Variants in TAFA1 observed in about 807,000 individuals in gnomAD.
TAFA1 encodes the protein TAFA chemokine like family member 1.
TAFA1 carries 4 observed loss-of-function variants against 18.5 expected under a neutral mutation model. The observed-to-expected ratio is 0.22, with a 90% CI of 0.11 to 0.49. TAFA1 has a LOEUF of 0.49. Ranked by LOEUF, TAFA1 falls within the 20% of genes least tolerant of loss-of-function variation. TAFA1 has a pLI of 0.98. For missense variants in TAFA1, 147 were observed against 169.0 expected, an observed-to-expected ratio of 0.87 and a Z score of 0.72; for synonymous variants, 56 against 55.2, an observed-to-expected ratio of 1.01 and a Z score of -0.06.
At chr3:68,114,898 C>T (rs940743811) in intron 2 of TAFA1, among the ~76,000 whole-genome samples, 5 of 152,138 alleles carry the variant, frequency 3.3e-5, no homozygotes, top group Non-Finnish European at 7.3e-5. Flanking sequence ...TTTTCACTCA[C>T]ATGGTGAATA....
rs573598919 is a variant in TAFA1, at chr3:68,202,713, A to C, written c.118+195969A>C. ...CTAATTTCTTCCTCCCATCCTTTCT[A>C]TCATTTCTCTAGTGAAATTTACTTA... On this transcript the variant is annotated intron_variant, in intron 2 of 4. Coordinates refer to ENST00000478136, the MANE Select transcript of TAFA1 (RefSeq NM_213609.4). Among the ~76,000 whole-genome samples, 18 of 151,774 alleles carry C rather than the reference A, an allele frequency of 1.2e-4. No homozygotes were observed. In the East Asian group the frequency reaches 3.5e-3, roughly 30 times the overall value.
At chr3:68,498,721 G>GTTTTTTTTTTTTTTTTTTTT (rs1559694779) in intron 3 of TAFA1, among the ~76,000 whole-genome samples, 3 of 101,722 alleles carry the variant, frequency 2.9e-5, no homozygotes, top group Non-Finnish European at 5.4e-5. Flanking sequence ...CCGTTTGGTG[G>GTTTTTTTTTTTTTTTTTTTT]CTTTTTTTTT....
intron 2 of TAFA1, among the ~76,000 whole-genome samples, chr3:68,085,684 C>T (rs143107286): frequency 1.1e-3 from 168 of 152,290 alleles, no homozygotes; most frequent in Non-Finnish European, 2.0e-3. Context: ...AAGAGTATAT[C>T]TGCGTATTCC....
chr3:68,431,912 G>T (rs2071181968), intron 3 of TAFA1, among the ~76,000 whole-genome samples: 1 of 151,902 alleles, frequency 6.6e-6, no homozygotes, highest in Admixed American at 6.6e-5. Context: ...CACGTGAAAG[G>T]GTCATAATAG....
rs2107265597 is a variant in TAFA1 at position 68,285,733 on chromosome 3, T to A, written c.119-131547T>A. On this transcript the variant is annotated intron_variant, in intron 2 of 4. Transcript: ENST00000478136. Reference sequence around the variant, plus strand: ...TTTCGTTTGGGTCCTGACTTTTTTTTAAATGTGAAAAGATTTTTGAGTGTG... The same window carrying A: ...TTTCGTTTGGGTCCTGACTTTTTTTAAAATGTGAAAAGATTTTTGAGTGTG... Among the ~76,000 whole-genome samples the A allele has an allele frequency of 2.0e-5, 3 of 152,282 alleles. No individual in the cohort carries two copies. The Middle Eastern group carries it at 0.01, about 518-fold the overall frequency.
At chr3:68,398,957 C>G (rs1316656452) in intron 2 of TAFA1, among the ~76,000 whole-genome samples, 1 of 152,110 alleles carries the variant, frequency 6.6e-6, no homozygotes, top group Non-Finnish European at 1.5e-5. Context: ...CTCATTTAGT[C>G]TAACTGACTT....
intron 2 of TAFA1, among the ~76,000 whole-genome samples, chr3:68,158,382 G>A (rs1410584739): frequency 6.6e-6 from 1 of 151,962 alleles, no homozygotes; most frequent in Non-Finnish European, 1.5e-5. Context: ...TTGCAGGTAG[G>A]GGCTGGTTTC....
intron 2 of TAFA1, among the ~76,000 whole-genome samples, chr3:68,268,935 G>A (rs1371254045): frequency 6.6e-6 from 1 of 152,140 alleles, no homozygotes; most frequent in Non-Finnish European, 1.5e-5. Context: ...ATTCTGGCAT[G>A]TAAGAATTTC....
At chr3:68,293,856 G>T (rs539228048) in intron 2 of TAFA1, among the ~76,000 whole-genome samples, 1 of 152,264 alleles carries the variant, frequency 6.6e-6, no homozygotes, top group African/African-American at 2.4e-5. Context: ...CTGAGGGACT[G>T]CTCCGTCTAT....
intron 2 of TAFA1, among the ~76,000 whole-genome samples, chr3:68,166,885 TAC>T (rs2065988012): frequency 6.6e-6 from 1 of 152,124 alleles, no homozygotes; most frequent in Admixed American, 6.5e-5. Context: ...CGTGAAGCCT[TAC>T]CCAGTAGACA....
chr3:68,373,060 C>G (rs1167272057), intron 2 of TAFA1, among the ~76,000 whole-genome samples: 2 of 152,170 alleles, frequency 1.3e-5, no homozygotes, highest in Non-Finnish European at 2.9e-5. Flanking sequence ...TTGTAAGCAT[C>G]AGGAAGACAT....
At chr3:68,499,655 T>TC (rs1434860344) in intron 3 of TAFA1, among the ~76,000 whole-genome samples, 2 of 151,960 alleles carry the variant, frequency 1.3e-5, no homozygotes, top group Non-Finnish European at 2.9e-5. Flanking sequence ...ATTTTAAAGT[T>TC]CTAGTAGAAC....
At chr3:68,479,471 T>A (rs919773780) in intron 3 of TAFA1, among the ~76,000 whole-genome samples, 48 of 152,064 alleles carry the variant, frequency 3.2e-4, no homozygotes, top group Non-Finnish European at 5.1e-4. Flanking sequence ...ATGTCTCTCT[T>A]ATTTTATGAA....
rs181494366 is a variant in TAFA1 at position 68,472,461 on chromosome 3, C to T, written c.259+55041C>T. Among the ~76,000 whole-genome samples, 13 of 151,996 alleles carry T rather than the reference C, an allele frequency of 8.6e-5. No individual in the cohort carries two copies. In the East Asian group the frequency reaches 2.5e-3, roughly 30 times the overall value. On this transcript the variant is annotated intron_variant, in intron 3 of 4. Coordinates refer to ENST00000478136, the MANE Select transcript of TAFA1 (RefSeq NM_213609.4). ...AGAATGGACTAATACAGGTGGTATA[C>T]ACACAAGCCTTCTACATGTGACAAA...
chr3:68,065,430 A>T (rs1034042354), intron 2 of TAFA1, among the ~76,000 whole-genome samples: 1 of 152,174 alleles, frequency 6.6e-6, no homozygotes, highest in Non-Finnish European at 1.5e-5. Flanking sequence ...TTGCAAGCAC[A>T]TTACAAGGGC....
At position 68,354,307 on chromosome 3, in the gene TAFA1, T is replaced by C. The variant is rs57871776; in HGVS notation, c.119-62973T>C. 3.3e-3 allele frequency among the ~76,000 whole-genome samples: 506 copies of C among 152,138 alleles called. 5 individuals carry two copies. The highest frequency in any genetic ancestry group is 0.012 in the African/African-American group (483 of 41,528). On this transcript the variant is annotated intron_variant, in intron 2 of 4. Coordinates refer to ENST00000478136, the MANE Select transcript of TAFA1 (RefSeq NM_213609.4). Reference sequence around the variant, plus strand: ...ACACTTCCTTTGAAAGCTCAGGTGATCTGATGTGGATTTCACACTTCCCTT... The same window carrying C: ...ACACTTCCTTTGAAAGCTCAGGTGACCTGATGTGGATTTCACACTTCCCTT...
intron 2 of TAFA1, among the ~76,000 whole-genome samples, chr3:68,369,312 C>A (rs534155201): frequency 1.3e-5 from 2 of 152,090 alleles, no homozygotes; most frequent in African/African-American, 4.8e-5. Context: ...ATCCTTGGAT[C>A]GGAGTATCTT....
chr3:68,158,478 A>T (rs2065889613), intron 2 of TAFA1, among the ~76,000 whole-genome samples: 1 of 151,892 alleles, frequency 6.6e-6, no homozygotes, highest in South Asian at 2.1e-4. Flanking sequence ...TGACATAGAT[A>T]CTAGATACAT....
intron 2 of TAFA1, among the ~76,000 whole-genome samples, chr3:68,237,809 A>G (rs1488971257): frequency 2.0e-5 from 3 of 152,208 alleles, no homozygotes; most frequent in African/African-American, 4.8e-5. Context: ...AAAGTTGCAT[A>G]TAAAGATTAT....
Sources: gnomAD v4.1 joint callset for allele counts (sites outside exome capture counted in the v4.1 genomes callset) on GRCh38, gnomAD v4.1.1 for gene constraint, MANE v1.5 for transcripts, NCBI Gene and HGNC (gene_info 2026-07-23, HGNC 2026-07-21) for gene names.